CFAP95: variants seen among roughly 807,000 people sequenced by gnomAD.
The protein encoded by CFAP95 is cilia and flagella associated protein 95.
At chr9:69,837,688 T>C in the CFAP95 span, among the ~76,000 whole-genome samples, 1 of 152,238 alleles carries the variant, frequency 6.6e-6, no homozygotes, top group Admixed American at 6.5e-5. Flanking sequence ...GGTTGCCTGT[T>C]CACTCTGATG....
chr9:69,905,835 T>A, the CFAP95 span: 1 of 734,986 alleles, frequency 1.4e-6, no homozygotes, highest in Non-Finnish European at 1.9e-6. Context: ...AACAAATTAA[T>A]CAATTGTTAA....
At chr9:69,886,004 A>C in the CFAP95 span, among the ~76,000 whole-genome samples, 1 of 152,196 alleles carries the variant, frequency 6.6e-6, no homozygotes, top group African/African-American at 2.4e-5. Flanking sequence ...GAAATGAACA[A>C]TTTGTAAGTT....
the CFAP95 span, among the ~76,000 whole-genome samples, chr9:69,826,034 A>G: frequency 0.11 from 16,295 of 152,218 alleles, 1,117 homozygotes; most frequent in Non-Finnish European, 0.15. Context: ...AGAAAGATAA[A>G]CAGAAAAAAA....
the CFAP95 span, among the ~76,000 whole-genome samples, chr9:69,889,503 TG>T: frequency 1.3e-5 from 2 of 152,252 alleles, no homozygotes; most frequent in African/African-American, 4.8e-5. Context: ...GACTCAGCTA[TG>T]CAAAGACAGT....
the CFAP95 span, among the ~76,000 whole-genome samples, chr9:69,858,492 C>T: frequency 7.9e-5 from 12 of 152,072 alleles, no homozygotes; most frequent in African/African-American, 1.7e-4. Flanking sequence ...GAAGTGCTGC[C>T]GTGTTCCTTA....
the CFAP95 span, among the ~76,000 whole-genome samples, chr9:69,855,257 T>C: frequency 1.3e-5 from 2 of 152,342 alleles, no homozygotes; most frequent in East Asian, 3.9e-4. Context: ...GGCAATATCT[T>C]TGTTTCATAT....
the CFAP95 span, among the ~76,000 whole-genome samples, chr9:69,856,148 G>T: frequency 5.1e-4 from 78 of 152,268 alleles, 2 homozygotes; most frequent in Non-Finnish European, 1.0e-3. Context: ...TATGCTGTAT[G>T]ACCGAGAGTG....
At chr9:69,831,966 G>C in the CFAP95 span, among the ~76,000 whole-genome samples, 2 of 152,084 alleles carry the variant, frequency 1.3e-5, no homozygotes, top group African/African-American at 4.8e-5. Context: ...TAAACTATAA[G>C]AACAGCCAGA....
chr9:69,860,740 T>C, the CFAP95 span, among the ~76,000 whole-genome samples: 2 of 152,152 alleles, frequency 1.3e-5, no homozygotes, highest in Non-Finnish European at 2.9e-5. Flanking sequence ...ACAATTTTTT[T>C]TACTTTTAAA....
At chr9:69,872,913 T>C in the CFAP95 span, among the ~76,000 whole-genome samples, 1 of 152,162 alleles carries the variant, frequency 6.6e-6, no homozygotes, top group African/African-American at 2.4e-5. Context: ...TCGGGTAGTT[T>C]AAGGGGAACT....
the CFAP95 span, among the ~76,000 whole-genome samples, chr9:69,843,857 T>G: frequency 6.6e-6 from 1 of 151,608 alleles, no homozygotes; most frequent in Non-Finnish European, 1.5e-5. Flanking sequence ...CCCAGGCTGG[T>G]CTTGAAGCTT....
At chr9:69,888,905 T>C in the CFAP95 span, among the ~76,000 whole-genome samples, 1 of 151,982 alleles carries the variant, frequency 6.6e-6, no homozygotes, top group East Asian at 1.9e-4. Flanking sequence ...AAATTTGACC[T>C]AATAATTCTT....
At chr9:69,824,016 GGGC>G in the CFAP95 span, among the ~76,000 whole-genome samples, 4 of 152,196 alleles carry the variant, frequency 2.6e-5, no homozygotes, top group South Asian at 8.3e-4. Flanking sequence ...GGCTTAGTTT[GGGC>G]TCAGAGGCCT....
At chr9:69,845,204 G>C in the CFAP95 span, among the ~76,000 whole-genome samples, 1 of 152,192 alleles carries the variant, frequency 6.6e-6, no homozygotes, top group Non-Finnish European at 1.5e-5. Context: ...TATGGCATAA[G>C]TAATTCCTGT....
the CFAP95 span, among the ~76,000 whole-genome samples, chr9:69,859,265 A>G: frequency 6.6e-6 from 1 of 151,290 alleles, no homozygotes; most frequent in Non-Finnish European, 1.5e-5. Flanking sequence ...TATCTTTACT[A>G]TCTACTTTCC....
chr9:69,874,945 G>C, the CFAP95 span, among the ~76,000 whole-genome samples: 1 of 152,134 alleles, frequency 6.6e-6, no homozygotes, highest in Admixed American at 6.6e-5. Flanking sequence ...GAACCAGGGG[G>C]ATCTGTTTGT....
the CFAP95 span, among the ~76,000 whole-genome samples, chr9:69,861,233 G>A: frequency 6.6e-6 from 1 of 152,070 alleles, no homozygotes. Flanking sequence ...CATTATAATC[G>A]TATGGAGTCT....
At chr9:69,839,676 C>G in the CFAP95 span, among the ~76,000 whole-genome samples, 2 of 151,644 alleles carry the variant, frequency 1.3e-5, no homozygotes, top group African/African-American at 4.8e-5. Flanking sequence ...ATCCGCCTGC[C>G]TCAGCCTCCC....
chr9:69,895,369 CTG>C, the CFAP95 span, among the ~76,000 whole-genome samples: 12 of 107,918 alleles, frequency 1.1e-4, no homozygotes, highest in East Asian at 6.3e-4. Flanking sequence ...CTCTCTCTCT[CTG>C]TGTGTGTGTG....
Sources: gnomAD v4.1 joint callset for allele counts (sites outside exome capture counted in the v4.1 genomes callset) on GRCh38, gnomAD v4.1.1 for gene constraint, MANE v1.5 for transcripts, NCBI Gene and HGNC (gene_info 2026-07-23, HGNC 2026-07-21) for gene names.